NFASC: variants seen among roughly 807,000 people sequenced by gnomAD.
NFASC encodes the protein neurofascin homolog.
A neutral mutation model predicts 147.5 loss-of-function variants in NFASC; 43 were observed. That is an observed-to-expected ratio of 0.29 (90% confidence interval 0.23 to 0.38). The LOEUF is 0.38. NFASC is among the 10% of genes least tolerant of loss of function. NFASC has a pLI of 1.00. For missense variants in NFASC, 1,320 were observed against 1,689.0 expected (o/e 0.78, Z 3.83); for synonymous variants, 622 against 665.5 (o/e 0.93, Z 1.01).
intron 1 of NFASC, among the ~76,000 whole-genome samples, chr1:204,902,251 C>T (rs2084795447): frequency 6.6e-6 from 1 of 152,028 alleles, no homozygotes; most frequent in African/African-American, 2.4e-5. Flanking sequence ...GCTGTGATTG[C>T]ACCACTGTCA....
chr1:204,959,809 AAAC>A (rs2094582755), intron 8 of NFASC, among the ~76,000 whole-genome samples: 1 of 152,260 alleles, frequency 6.6e-6, no homozygotes, highest in African/African-American at 2.4e-5. Context: ...TTAGAGATTT[AAAC>A]AACATGTAGA....
At position 204,939,038 on chromosome 1, in the gene NFASC, A is replaced by ATGGATGTGTG. The variant is rs1553266033; in HGVS notation, c.-90-5186_-90-5185insGATGTGTGTG. Among the ~76,000 whole-genome samples, 573 of 123,688 alleles carry ATGGATGTGTG rather than the reference A, an allele frequency of 4.6e-3. 3 individuals carry two copies. The highest frequency in any genetic ancestry group is 6.6e-3 in the Non-Finnish European group (385 of 58,412). The allele number at this position is 123,688 out of a possible 152,430, so 81.1% of individuals were successfully genotyped here. ...TTCTCTTTTCTTCCTGTATGGATGGATGTGTGTGTGTGTGTGTGTGTGTGT... is the reference window on the plus strand; with the variant it reads ...TTCTCTTTTCTTCCTGTATGGATGGATGGATGTGTGTGTGTGTGTGTGTGTGTGTGTGTGT... On this transcript the variant is annotated intron_variant, in intron 2 of 29. Coordinates refer to ENST00000339876, the MANE Select transcript of NFASC (RefSeq NM_001005388.3).
In NFASC at chr1:204,975,068, G is replaced by T. The variant is rs2095365550; in HGVS notation, c.1559-203G>T. Among the ~76,000 whole-genome samples, 1 of 152,200 alleles carries T rather than the reference G, an allele frequency of 6.6e-6. No individual in the cohort carries two copies. Among genetic ancestry groups the T allele is most frequent in the Non-Finnish European group, 1.5e-5 (1 of 68,040 alleles). On this transcript the variant is annotated intron_variant, in intron 14 of 29. Coordinates refer to ENST00000339876, the MANE Select transcript of NFASC (RefSeq NM_001005388.3). The surrounding 1 kb of genome is among the most constrained non-coding windows in gnomAD (Gnocchi z 4.0). ...CAGAAATTACATCATATATTCCTGA[G>T]CCAGATGGAGTGGATTTGGGGCATT...
At chr1:205,002,886 C>T (rs1574396301) in intron 27 of NFASC, 138 bp downstream of exon 27, 6 of 629,222 alleles carry the variant, frequency 9.5e-6, no homozygotes. Context: ...CGTGTCTCAG[C>T]TCTTATTATG....
intron 27 of NFASC, among the ~76,000 whole-genome samples, chr1:205,004,775 CT>C: frequency 6.6e-6 from 1 of 152,246 alleles, no homozygotes; most frequent in East Asian, 1.9e-4. Flanking sequence ...CAGGCAGTCA[CT>C]TTAGTCTGCA....
chr1:204,982,648 A>G (rs1363543700), intron 21 of NFASC, among the ~76,000 whole-genome samples: 3 of 152,232 alleles, frequency 2.0e-5, no homozygotes, highest in African/African-American at 7.2e-5. Flanking sequence ...GGTCATATAC[A>G]TGGACATATA....
chr1:204,843,614 T>G (rs866923189), intron 1 of NFASC, among the ~76,000 whole-genome samples: 1 of 105,070 alleles, frequency 9.5e-6, no homozygotes, highest in Non-Finnish European at 1.8e-5. Flanking sequence ...CTTCCTTCCT[T>G]CCTTCCTTCC....
chr1:204,965,687 A>G (rs1036047917), intron 8 of NFASC, among the ~76,000 whole-genome samples: 32 of 152,214 alleles, frequency 2.1e-4, no homozygotes, highest in Non-Finnish European at 2.2e-4. Context: ...GCAGCTCACT[A>G]AGACAGAAAT....
intron 15 of NFASC, among the ~76,000 whole-genome samples, chr1:204,976,028 A>G (rs556111734): frequency 6.6e-6 from 1 of 152,114 alleles, no homozygotes; most frequent in Non-Finnish European, 1.5e-5. Flanking sequence ...CCCAGGGCTT[A>G]CTTTGCTTTA....
intron 1 of NFASC, among the ~76,000 whole-genome samples, chr1:204,881,714 A>C (rs2080279895): frequency 6.6e-6 from 1 of 152,174 alleles, no homozygotes; most frequent in Non-Finnish European, 1.5e-5. Context: ...TTTCTGACAA[A>C]GATTCTTTGC....
intron 1 of NFASC, among the ~76,000 whole-genome samples, chr1:204,836,975 C>G (rs1297834744): frequency 6.6e-6 from 1 of 152,206 alleles, no homozygotes; most frequent in Non-Finnish European, 1.5e-5. Flanking sequence ...CTGAGAGAAA[C>G]CTAAACTCAA....
chr1:204,946,592 C>A (rs533820981), intron 3 of NFASC: 5 of 465,126 alleles, frequency 1.1e-5, no homozygotes, highest in Middle Eastern at 3.2e-4. Flanking sequence ...CCGAAGATGA[C>A]AGGGGATGAG....
intron 24 of NFASC, among the ~76,000 whole-genome samples, chr1:204,993,151 C>T (rs1250696895): frequency 6.6e-6 from 1 of 152,214 alleles, no homozygotes; most frequent in Admixed American, 6.5e-5. Flanking sequence ...TGTCTTCCCT[C>T]TCGTCCTCTC....
intron 5 of NFASC, 150 bp downstream of exon 5, chr1:204,952,266 G>A: frequency 4.7e-6 from 3 of 635,656 alleles, no homozygotes; most frequent in Non-Finnish European, 8.4e-6. Flanking sequence ...CATAATTGAG[G>A]TACCAGGAAA....
chr1:204,972,659 AG>A (rs202053764), intron 11 of NFASC, among the ~76,000 whole-genome samples: 2,532 of 152,286 alleles, frequency 0.017, 75 homozygotes, highest in African/African-American at 0.057. Flanking sequence ...CATTTTCAAG[AG>A]GCATTGGCTT....
intron 8 of NFASC, among the ~76,000 whole-genome samples, chr1:204,965,894 G>A (rs922224693): frequency 6.6e-6 from 1 of 152,158 alleles, no homozygotes; most frequent in Non-Finnish European, 1.5e-5. Context: ...TTGGAACCTT[G>A]GGCAAGTCTG....
rs371800027 is a variant in NFASC, at chr1:204,877,015, T to TATATA, written c.-199-43616_-199-43612dup. Among the ~76,000 whole-genome samples, 46 of 110,094 alleles carry TATATA rather than the reference T, an allele frequency of 4.2e-4. 1 individual carries two copies. The highest frequency in any genetic ancestry group is 8.0e-3 in the Middle Eastern group (2 of 250). 72.2% of individuals were successfully genotyped at this position (110,094 alleles called of 152,430 possible). ...AAATATGTATATATATATATATATA[T>TATATA]ATATATATATATAATATATATTTAT... is the stretch of plus-strand genomic sequence containing the variant. On this transcript the variant is annotated intron_variant, in intron 1 of 29. Coordinates refer to ENST00000339876, the MANE Select transcript of NFASC (RefSeq NM_001005388.3).
chr1:204,903,264 T>G (rs1455926278), intron 1 of NFASC, among the ~76,000 whole-genome samples: 2 of 152,222 alleles, frequency 1.3e-5, no homozygotes, highest in Admixed American at 6.5e-5. Context: ...TTTTCTACCC[T>G]TCTTTCCAAA....
At chr1:204,836,762 C>T (rs573663679) in intron 1 of NFASC, among the ~76,000 whole-genome samples, 1 of 152,372 alleles carries the variant, frequency 6.6e-6, no homozygotes, top group South Asian at 2.1e-4. Context: ...AGGGCAGAAA[C>T]TGGATATCTT....
Sources: allele counts gnomAD v4.1 joint callset (sites outside exome capture counted in the v4.1 genomes callset), GRCh38; gene constraint gnomAD v4.1.1; non-coding constraint Gnocchi (gnomAD v3.1); transcripts MANE v1.5; gene names NCBI Gene and HGNC (gene_info 2026-07-23, HGNC 2026-07-21).